KLHL28: variants seen among roughly 807,000 people sequenced by gnomAD.
KLHL28 encodes the protein kelch-like protein 28.
In KLHL28, 22 loss-of-function variants were observed where a neutral mutation model predicts 48.3. The observed-to-expected ratio is 0.46, with a 90% confidence interval of 0.33 to 0.65. The LOEUF is 0.65. Among genes scored for constraint, KLHL28 ranks in the 30% least tolerant of loss-of-function variants. The pLI is 0.03. For synonymous variants in KLHL28, 243 were observed against 242.4 expected (o/e 1.00, Z -0.02); for missense variants, 527 against 704.3 (o/e 0.75, Z 2.85).
At chr14:44,952,688 T>C (rs370813418) in intron 1 of KLHL28, among the ~76,000 whole-genome samples, 3 of 152,244 alleles carry the variant, frequency 2.0e-5, no homozygotes, top group East Asian at 3.9e-4. Flanking sequence ...TGTCCACCAC[T>C]GCGTTTGGCT....
At chr14:44,952,186 G>A (rs552226717) in intron 1 of KLHL28, among the ~76,000 whole-genome samples, 15 of 152,006 alleles carry the variant, frequency 9.9e-5, no homozygotes, top group Non-Finnish European at 1.9e-4. Flanking sequence ...TTTTTAATTT[G>A]GCCCCTTTCC....
At chr14:44,933,103 A>C (rs1883654321) in intron 3 of KLHL28, among the ~76,000 whole-genome samples, 1 of 152,210 alleles carries the variant, frequency 6.6e-6, no homozygotes, top group Non-Finnish European at 1.5e-5. Context: ...TTATAATACT[A>C]TGCAAATAGC....
At chr14:44,951,436 A>T (rs1884575630) in intron 1 of KLHL28, among the ~76,000 whole-genome samples, 1 of 152,212 alleles carries the variant, frequency 6.6e-6, no homozygotes, top group African/African-American at 2.4e-5. Flanking sequence ...CCCTATACTT[A>T]TGCCCCTATA....
At chr14:44,960,900 G>T in intron 1 of KLHL28, 2 of 1,539,834 alleles carry the variant, frequency 1.3e-6, no homozygotes, top group Non-Finnish European at 1.8e-6. Flanking sequence ...GTACAGAGCA[G>T]GGTAGGAATA....
At chr14:44,941,015 G>A (rs914728673) in intron 2 of KLHL28, among the ~76,000 whole-genome samples, 28 of 152,006 alleles carry the variant, frequency 1.8e-4, no homozygotes, top group Non-Finnish European at 2.2e-4. Flanking sequence ...CAGGAGAATC[G>A]CTCGAACTCA....
At chr14:44,937,206 C>T (rs1237157695) in intron 2 of KLHL28, among the ~76,000 whole-genome samples, 12 of 148,144 alleles carry the variant, frequency 8.1e-5, no homozygotes, top group African/African-American at 2.5e-4. Flanking sequence ...AGTGCAGTGG[C>T]GCAATCTCGG....
chr14:44,937,331 T>C (rs1474684271), intron 2 of KLHL28, among the ~76,000 whole-genome samples: 3 of 151,996 alleles, frequency 2.0e-5, no homozygotes, highest in Non-Finnish European at 4.4e-5. Flanking sequence ...GTATTTTTAG[T>C]AGAGACAGGG....
At chr14:44,940,817 C>T (rs565389231) in intron 2 of KLHL28, among the ~76,000 whole-genome samples, 98 of 152,178 alleles carry the variant, frequency 6.4e-4, no homozygotes, top group Middle Eastern at 3.4e-3. Context: ...TTACCCTATC[C>T]CTCTTTACTT....
chr14:44,949,072 C>G (rs746839164), intron 1 of KLHL28, among the ~76,000 whole-genome samples: 12 of 152,074 alleles, frequency 7.9e-5, no homozygotes, highest in Non-Finnish European at 1.5e-4. Flanking sequence ...ATTCATCTCT[C>G]TCTCAGACTA....
chr14:44,936,147 G>A (rs1002475715), intron 2 of KLHL28, among the ~76,000 whole-genome samples: 16 of 151,742 alleles, frequency 1.1e-4, no homozygotes, highest in South Asian at 4.2e-4. Context: ...TGGGAGATAA[G>A]GAAGTGAAAA....
chr14:44,942,122 G>A (rs1367611343), intron 2 of KLHL28, among the ~76,000 whole-genome samples: 1 of 152,082 alleles, frequency 6.6e-6, no homozygotes, highest in Non-Finnish European at 1.5e-5. Flanking sequence ...CAAACTCAAT[G>A]TGTCCAAAAC....
chr14:44,929,927 A>T (rs1883511017), intron 4 of KLHL28, among the ~76,000 whole-genome samples: 1 of 152,140 alleles, frequency 6.6e-6, no homozygotes, highest in African/African-American at 2.4e-5. Context: ...ATATCTTTCC[A>T]TAGGCTATTT....
rs898099117 is a variant in KLHL28, at chr14:44,925,366, G to GT, written c.*3661dup. On this transcript the variant is annotated 3_prime_UTR_variant, in exon 5 of 5. Transcript: ENST00000396128. Reference sequence around the variant, plus strand: ...AATATATATATTTAAAATTTCTATAGTTTTCTTACTAGAAAATACATTATC... The same window carrying GT: ...AATATATATATTTAAAATTTCTATAGTTTTTCTTACTAGAAAATACATTATC... 1.3e-5 allele frequency: 2 copies of GT among 152,040 alleles called. No homozygotes were observed. The highest frequency in any genetic ancestry group is 1.5e-5 in the Non-Finnish European group (1 of 67,942). 9.4% of individuals were successfully genotyped at this position (152,040 alleles called of 1,614,324 possible). A position where few individuals can be genotyped will look rare whatever the true frequency, so the allele number is the denominator to read the frequency against.
At position 44,945,471 on chromosome 14, in the gene KLHL28, T is replaced by G; in HGVS notation, c.458A>C (p.Tyr153Ser). ...FAETYGCRDL[Y>S]LAATKYICQN... Reference sequence around the variant, plus strand: ...GCATATGTATTTAGTGGCTGCCAAATAAAGGTCACGGCAACCATATGTTTC... The same window carrying G: ...GCATATGTATTTAGTGGCTGCCAAAGAAAGGTCACGGCAACCATATGTTTC... The change falls in exon 2 of 5, where the codon TAT becomes TCT. Residue 153 changes from tyrosine to serine, a missense_variant. Coordinates refer to ENST00000396128, the MANE Select transcript of KLHL28 (RefSeq NM_017658.5). 6.2e-7 allele frequency: 1 copy of G among 1,614,172 alleles called. No individual in the cohort carries two copies. Among genetic ancestry groups the G allele is most frequent in the Non-Finnish European group, 8.5e-7 (1 of 1,180,006 alleles).
In KLHL28 at chr14:44,940,655, C is replaced by A. The variant is rs142703978; in HGVS notation, c.899+4375G>T. Among the ~76,000 whole-genome samples the A allele has an allele frequency of 2.4e-4, 36 of 152,186 alleles. 1 individual carries two copies. The East Asian group carries it at 5.6e-3, about 24-fold the overall frequency. ...GCTGTTTTAAACCCTTGCTTTCAAC[C>A]CCCCCGCCAGCCAGTAAACCTCAAT... On this transcript the variant is annotated intron_variant, in intron 2 of 4. Coordinates refer to ENST00000396128, the MANE Select transcript of KLHL28 (RefSeq NM_017658.5).
intron 1 of KLHL28, among the ~76,000 whole-genome samples, chr14:44,953,393 A>G (rs567709921): frequency 2.6e-4 from 39 of 152,354 alleles, no homozygotes; most frequent in Admixed American, 5.9e-4. Context: ...TTAGTCCCCA[A>G]TGCGGTAGTA....
chr14:44,961,672 C>G (rs1428471537), intron 1 of KLHL28, 174 bp downstream of exon 1: 1 of 152,172 alleles, frequency 6.6e-6, no homozygotes, highest in Non-Finnish European at 1.5e-5. Context: ...ATCGCAGTTA[C>G]TCAGGGTGGT....
chr14:44,946,847 C>A (rs530943696), intron 1 of KLHL28, among the ~76,000 whole-genome samples: 4 of 152,208 alleles, frequency 2.6e-5, no homozygotes, highest in Non-Finnish European at 5.9e-5. Flanking sequence ...TGGGCCACCA[C>A]ACCCGGCCTC....
At chr14:44,955,562 G>A (rs1362641869) in intron 1 of KLHL28, among the ~76,000 whole-genome samples, 4 of 152,148 alleles carry the variant, frequency 2.6e-5, no homozygotes, top group Non-Finnish European at 4.4e-5. Context: ...GATAGCTTGA[G>A]CCCAGGAGTT....
Sources: gnomAD v4.1 joint callset for allele counts (sites outside exome capture counted in the v4.1 genomes callset) on GRCh38, gnomAD v4.1.1 for gene constraint, MANE v1.5 for transcripts, NCBI Gene and HGNC (gene_info 2026-07-23, HGNC 2026-07-21) for gene names.